Variants in EYA3 observed in about 807,000 individuals in gnomAD.
The protein encoded by EYA3 is EYA transcriptional coactivator and phosphatase 3, also known as protein phosphatase EYA3.
EYA3 carries 39 observed loss-of-function variants against 80.0 expected under a neutral mutation model. That is an observed-to-expected ratio of 0.49 (90% CI 0.38 to 0.64). The LOEUF is 0.64. EYA3 is among the 30% of genes least tolerant of loss of function. EYA3 has a pLI of 0.00. For missense variants in EYA3, 523 were observed against 676.1 expected, an observed-to-expected ratio of 0.77 and a Z score of 2.51; for synonymous variants, 206 against 232.8, an observed-to-expected ratio of 0.88 and a Z score of 1.05.
intron 17 of EYA3, chr1:27,977,210 T>A: frequency 6.7e-7 from 1 of 1,499,946 alleles, no homozygotes; most frequent in Non-Finnish European, 8.9e-7. Flanking sequence ...TGTGAAAAAA[T>A]AAGGATCCCT....
At chr1:28,017,011 G>A (rs375713244) in intron 8 of EYA3, 143 bp downstream of exon 8, 41 of 608,904 alleles carry the variant, frequency 6.7e-5, no homozygotes, top group African/African-American at 6.6e-4. Flanking sequence ...TCCAGGGTCC[G>A]AGTTCTGAAG....
chr1:28,072,790 T>C (rs942835742), intron 1 of EYA3, among the ~76,000 whole-genome samples: 1 of 152,036 alleles, frequency 6.6e-6, no homozygotes. Flanking sequence ...ATGTGTACAG[T>C]AGCTTGTTCA....
At position 27,974,381 on chromosome 1, in the gene EYA3, C is replaced by A; in HGVS notation, c.*85G>T. The stretch of plus-strand genomic sequence containing the variant: ...AGACAGAGACACAGAGAGAGACAGA[C>A]AGAGAAAGTTCTCAGTTGGTTCCAG... On this transcript the variant is annotated 3_prime_UTR_variant, in exon 18 of 18. Transcript: ENST00000373871. 1 of 931,638 alleles carries A rather than the reference C, an allele frequency of 1.1e-6. No homozygotes were observed. The highest frequency in any genetic ancestry group is 1.7e-6 in the Non-Finnish European group (1 of 595,460). The allele number at this position is 931,638 out of a possible 1,614,324, so 57.7% of individuals were successfully genotyped here.
intron 1 of EYA3, among the ~76,000 whole-genome samples, chr1:28,065,047 A>AG (rs906112819): frequency 2.8e-4 from 42 of 152,148 alleles, no homozygotes; most frequent in African/African-American, 2.4e-4. Context: ...TCCCCTTCCA[A>AG]GGGGGGGATA....
rs935780983 is a variant in EYA3 at position 28,068,552 on chromosome 1, C to CTTT, written c.-68-10461_-68-10459dup. Among the ~76,000 whole-genome samples the CTTT allele has an allele frequency of 1.9e-3, 281 of 144,606 alleles. 2 individuals carry two copies. The highest frequency in any genetic ancestry group is 3.6e-3 in the Non-Finnish European group (236 of 65,588). The allele number at this position is 144,606 out of a possible 152,430, so 94.9% of individuals were successfully genotyped here. A position where few individuals can be genotyped will look rare whatever the true frequency, so the allele number is the denominator to read the frequency against. On this transcript the variant is annotated intron_variant, in intron 1 of 17. Coordinates refer to ENST00000373871, the MANE Select transcript of EYA3 (RefSeq NM_001990.4). ...TCCTAAAAATCCAAAAATAACATTC[C>CTTT]TTTTTTTTTTTTCTTTAGAGGAATA...
chr1:28,084,382 A>G (rs888950005), intron 1 of EYA3, among the ~76,000 whole-genome samples: 1 of 151,604 alleles, frequency 6.6e-6, no homozygotes, highest in African/African-American at 2.4e-5. Flanking sequence ...ACCAGTATCA[A>G]CAGGGTAGTT....
chr1:28,064,055 C>A (rs1420474212), intron 1 of EYA3, among the ~76,000 whole-genome samples: 1 of 151,840 alleles, frequency 6.6e-6, no homozygotes, highest in Non-Finnish European at 1.5e-5. Flanking sequence ...AACAGAAAGC[C>A]AAATAGTGTC....
At chr1:28,079,073 T>A (rs934699768) in intron 1 of EYA3, among the ~76,000 whole-genome samples, 1 of 152,102 alleles carries the variant, frequency 6.6e-6, no homozygotes, top group Non-Finnish European at 1.5e-5. Flanking sequence ...ACCATTCTCA[T>A]TTTTTTTCCC....
intron 2 of EYA3, among the ~76,000 whole-genome samples, chr1:28,056,339 T>C (rs1346014334): frequency 6.6e-6 from 1 of 152,344 alleles, no homozygotes; most frequent in East Asian, 1.9e-4. Flanking sequence ...CCTGCCTACC[T>C]TGCTTTTCCT....
At chr1:27,995,895 CG>C in intron 13 of EYA3, among the ~76,000 whole-genome samples, 1 of 152,136 alleles carries the variant, frequency 6.6e-6, no homozygotes, top group Non-Finnish European at 1.5e-5. Flanking sequence ...TTTTTTAAGA[CG>C]GAGTCTCACT....
At chr1:28,041,417 G>T (rs1185456458) in intron 4 of EYA3, among the ~76,000 whole-genome samples, 1 of 151,998 alleles carries the variant, frequency 6.6e-6, no homozygotes, top group Non-Finnish European at 1.5e-5. Flanking sequence ...GCTGGGCATG[G>T]TGGCATGCGC....
intron 3 of EYA3, among the ~76,000 whole-genome samples, chr1:28,043,784 T>C (rs375500503): frequency 2.8e-4 from 42 of 152,272 alleles, no homozygotes; most frequent in Admixed American, 1.4e-3. Context: ...GTTGCAGTGA[T>C]TGGAGATGGC....
chr1:28,045,480 C>G (rs552616329), intron 3 of EYA3, among the ~76,000 whole-genome samples: 3 of 152,228 alleles, frequency 2.0e-5, no homozygotes, highest in Admixed American at 2.0e-4. Flanking sequence ...ATTTGTAGAT[C>G]TTATATTTTA....
chr1:27,983,623 T>C lies in EYA3; in HGVS notation c.1540+4912A>G, dbSNP rs145357244. On this transcript the variant is annotated intron_variant, in intron 16 of 17. Coordinates refer to ENST00000373871, the MANE Select transcript of EYA3 (RefSeq NM_001990.4). ...ATTTTTCTATATTCAAAATTGTCTCTTGCTTACTGATTTGCAGGAATTCTT... is the reference window on the plus strand; with the variant it reads ...ATTTTTCTATATTCAAAATTGTCTCCTGCTTACTGATTTGCAGGAATTCTT... Among the ~76,000 whole-genome samples the C allele has an allele frequency of 3.9e-5, 6 of 152,040 alleles. No individual in the cohort carries two copies. The East Asian group carries it at 1.2e-3, about 29-fold the overall frequency.
chr1:28,086,638 T>A (rs1395407212), intron 1 of EYA3, among the ~76,000 whole-genome samples: 1 of 152,230 alleles, frequency 6.6e-6, no homozygotes, highest in African/African-American at 2.4e-5. Context: ...CTTATCTTAA[T>A]CTGCATTAAT....
intron 6 of EYA3, among the ~76,000 whole-genome samples, chr1:28,029,871 A>T (rs1643025544): frequency 6.6e-6 from 1 of 152,146 alleles, no homozygotes; most frequent in Admixed American, 6.5e-5. Flanking sequence ...TTGGGATTAC[A>T]GGCACAAGCC....
At chr1:27,982,901 A>G (rs1639408069) in intron 16 of EYA3, among the ~76,000 whole-genome samples, 1 of 152,146 alleles carries the variant, frequency 6.6e-6, no homozygotes, top group Non-Finnish European at 1.5e-5. Flanking sequence ...AGTATATGTA[A>G]TTTTACTTAA....
chr1:28,016,564 T>C (rs1015860387), intron 8 of EYA3, among the ~76,000 whole-genome samples: 1 of 135,334 alleles, frequency 7.4e-6, no homozygotes, highest in East Asian at 2.1e-4. Flanking sequence ...AAAACCAGTA[T>C]AATAACCAGA....
intron 1 of EYA3, among the ~76,000 whole-genome samples, chr1:28,065,831 C>T (rs1042054789): frequency 6.6e-6 from 1 of 151,242 alleles, no homozygotes; most frequent in South Asian, 2.1e-4. Flanking sequence ...GGTGAAACCC[C>T]ATCTCTACTA....
Sources: gnomAD v4.1 joint callset for allele counts (sites outside exome capture counted in the v4.1 genomes callset) on GRCh38, gnomAD v4.1.1 for gene constraint, MANE v1.5 for transcripts, NCBI Gene and HGNC (gene_info 2026-07-23, HGNC 2026-07-21) for gene names.